The following NAP1L1 variants were observed in gnomAD, a reference collection of about 807,000 sequenced individuals.
NAP1L1 encodes the protein nucleosome assembly protein 1-like 1.
NAP1L1 carries 9 observed loss-of-function variants against 58.9 expected under a neutral mutation model. The observed-to-expected ratio is 0.15, with a 90% CI of 0.09 to 0.27. The LOEUF (loss-of-function observed/expected upper bound fraction) is 0.27, where lower values mean the gene tolerates loss of function less well. Ranked by LOEUF, NAP1L1 falls within the 10% of genes least tolerant of loss-of-function variation. NAP1L1 has a pLI of 1.00. For missense variants in NAP1L1, 302 were observed against 458.8 expected (o/e 0.66, Z 3.12); for synonymous variants, 130 against 138.3 (o/e 0.94, Z 0.42).
At chr12:76,054,895 C>A in intron 8 of NAP1L1, 124 bp downstream of exon 8, 2 of 526,498 alleles carry the variant, frequency 3.8e-6, no homozygotes, top group Non-Finnish European at 6.4e-6. Flanking sequence ...TTAGCAGCAT[C>A]CAAATATTTA....
chr12:76,049,605 T>A (rs190435342), intron 13 of NAP1L1, 151 bp downstream of exon 13: 2 of 1,509,774 alleles, frequency 1.3e-6, no homozygotes, highest in African/African-American at 2.8e-5. Context: ...TATACATACA[T>A]TGTTTGGCTG....
intron 2 of NAP1L1, among the ~76,000 whole-genome samples, chr12:76,072,543 G>C (rs774558756): frequency 6.6e-6 from 1 of 151,984 alleles, no homozygotes; most frequent in Non-Finnish European, 1.5e-5. Context: ...GAATATCCCT[G>C]AACTAAAAGC....
At position 76,050,515 on chromosome 12, in the gene NAP1L1, A is replaced by T; in HGVS notation, c.1059+16T>A. On this transcript the variant is annotated intron_variant, in intron 12 of 14. Coordinates refer to ENST00000618691, the MANE Select transcript of NAP1L1 (RefSeq NM_004537.7). Reference sequence around the variant, plus strand: ...CCTCAACCAATTATTTCTTTGCAGGATTCAAATTCGCTTACATCATCATCA... The same window carrying T: ...CCTCAACCAATTATTTCTTTGCAGGTTTCAAATTCGCTTACATCATCATCA... The T allele has an allele frequency of 6.3e-7, 1 of 1,596,478 alleles. No individual in the cohort carries two copies. The highest frequency in any genetic ancestry group is 8.5e-7 in the Non-Finnish European group (1 of 1,174,454).
Position 76,046,818 on chromosome 12 carries a change from T to C in NAP1L1, c.*1611A>G, listed in dbSNP as rs1418738952. ...ATTAACAGTAATTAGCCTGAGGTAT[T>C]GTAAATGTGGCTCTACAGTCTGAAA... On this transcript the variant is annotated 3_prime_UTR_variant, in exon 15 of 15. Transcript: ENST00000618691. 2 of 152,504 alleles carry C rather than the reference T, an allele frequency of 1.3e-5. No homozygotes were observed. Among genetic ancestry groups the C allele is most frequent in the East Asian group, 3.9e-4 (2 of 5,188 alleles). The allele number at this position is 152,504 out of a possible 1,614,324, so 9.4% of individuals were successfully genotyped here.
intron 4 of NAP1L1, among the ~76,000 whole-genome samples, chr12:76,064,810 T>C (rs997962146): frequency 2.0e-5 from 3 of 151,800 alleles, no homozygotes; most frequent in African/African-American, 7.3e-5. Flanking sequence ...AAAAAAATTC[T>C]CCAAAACTCC....
chr12:76,056,749 A>C, intron 6 of NAP1L1: 1 of 423,110 alleles, frequency 2.4e-6, no homozygotes. Flanking sequence ...GCAGTGGCTC[A>C]CGCTTGTAAT....
Position 76,048,404 on chromosome 12 carries a change from T to C in NAP1L1, c.*25A>G. 1 of 1,612,668 alleles carries C rather than the reference T, an allele frequency of 6.2e-7. No homozygotes were observed. Among genetic ancestry groups the C allele is most frequent in the Non-Finnish European group, 8.5e-7 (1 of 1,179,432 alleles). ...GTTTAGGCTATTACAGTGCAGGTTA[T>C]CCTCAAGGCCACATACATCCTGCTT... On this transcript the variant is annotated 3_prime_UTR_variant, in exon 15 of 15. Coordinates refer to ENST00000618691, the MANE Select transcript of NAP1L1 (RefSeq NM_004537.7).
Position 76,056,261 on chromosome 12 carries a change from C to T in NAP1L1, c.430-100G>A. 3 of 1,211,524 alleles carry T rather than the reference C, an allele frequency of 2.5e-6. No homozygotes were observed. The Admixed American group carries it at 7.7e-5, about 31-fold the overall frequency. The allele number at this position is 1,211,524 out of a possible 1,614,324, so 75.0% of individuals were successfully genotyped here. ...CAAAAAGCACAGTCACCAGATATTA[C>T]CTTCAAAGTTCTAGTCTATCTGTGT... On this transcript the variant is annotated intron_variant, in intron 6 of 14. Transcript: ENST00000618691.
chr12:76,064,473 T>A (rs1949570473), intron 4 of NAP1L1, among the ~76,000 whole-genome samples: 1 of 150,956 alleles, frequency 6.6e-6, no homozygotes, highest in African/African-American at 2.4e-5. Flanking sequence ...AAAACACAAA[T>A]TAAAAAATAA....
chr12:76,061,793 C>T (rs1268723798), intron 4 of NAP1L1, among the ~76,000 whole-genome samples: 1 of 152,206 alleles, frequency 6.6e-6, no homozygotes, highest in African/African-American at 2.4e-5. Context: ...AAAAAACAAA[C>T]ACTTGAAGAT....
intron 2 of NAP1L1, among the ~76,000 whole-genome samples, chr12:76,072,048 C>T (rs1592686348): frequency 6.6e-6 from 1 of 151,316 alleles, no homozygotes; most frequent in East Asian, 1.9e-4. Flanking sequence ...AATTAACAAG[C>T]CTCCCCACTC....
chr12:76,070,930 G>A (rs1949925728), intron 2 of NAP1L1, among the ~76,000 whole-genome samples: 1 of 152,094 alleles, frequency 6.6e-6, no homozygotes, highest in Non-Finnish European at 1.5e-5. Flanking sequence ...CAACATTCCG[G>A]AAGCCAAGGC....
Position 76,044,784 on chromosome 12 carries a change from A to G in NAP1L1, c.*3645T>C, listed in dbSNP as rs1948582916. ...TATTTTTGAAAATATACATCAATCA[A>G]AATTTCTTATGAATACTTATCCTTG... On this transcript the variant is annotated 3_prime_UTR_variant, in exon 15 of 15. Coordinates refer to ENST00000618691, the MANE Select transcript of NAP1L1 (RefSeq NM_004537.7). The G allele has an allele frequency of 6.6e-6, 1 of 152,216 alleles. No individual in the cohort carries two copies. Among genetic ancestry groups the G allele is most frequent in the South Asian group, 2.1e-4 (1 of 4,830 alleles). The allele number at this position is 152,216 out of a possible 1,614,324, so 9.4% of individuals were successfully genotyped here. A position where few individuals can be genotyped will look rare whatever the true frequency, so the allele number is the denominator to read the frequency against.
chr12:76,077,216 G>A (rs1363104813), intron 1 of NAP1L1, among the ~76,000 whole-genome samples: 2 of 152,134 alleles, frequency 1.3e-5, no homozygotes, highest in African/African-American at 2.4e-5. Context: ...GAGGATCCAA[G>A]ACAGAACATT....
Position 76,060,372 on chromosome 12 carries a change from AT to A in NAP1L1, c.207-94del. The A allele has an allele frequency of 2.3e-6, 3 of 1,309,246 alleles. No individual in the cohort carries two copies. The African/African-American group carries it at 4.4e-5, about 19-fold the overall frequency. The allele number at this position is 1,309,246 out of a possible 1,614,324, so 81.1% of individuals were successfully genotyped here. A position where few individuals can be genotyped will look rare whatever the true frequency, so the allele number is the denominator to read the frequency against. On this transcript the variant is annotated intron_variant, in intron 4 of 14. Transcript: ENST00000618691. ...GAAACTGAAGCATTGGAGTTAGTGAATGACAGGTTTTTTATCTGAAGCAAAA... is the reference window on the plus strand; with the variant it reads ...GAAACTGAAGCATTGGAGTTAGTGAAGACAGGTTTTTTATCTGAAGCAAAA...
chr12:76,067,281 T>G, intron 4 of NAP1L1, 90 bp downstream of exon 4: 1 of 972,944 alleles, frequency 1.0e-6, no homozygotes, highest in African/African-American at 1.6e-5. Context: ...TTTCCACTAT[T>G]GCATATCTAA....
At chr12:76,049,687 A>AT (rs1321147757) in intron 13 of NAP1L1, 69 bp downstream of exon 13, 18 of 1,579,556 alleles carry the variant, frequency 1.1e-5, no homozygotes, top group Non-Finnish European at 1.6e-5. Flanking sequence ...AAAGGAATAC[A>AT]TAAGTCATTC....
rs561496797 is a variant in NAP1L1 at position 76,063,538 on chromosome 12, C to G, written c.207-3259G>C. On this transcript the variant is annotated intron_variant, in intron 4 of 14. Coordinates refer to ENST00000618691, the MANE Select transcript of NAP1L1 (RefSeq NM_004537.7). The stretch of plus-strand genomic sequence containing the variant: ...TGAGGCCGAGTGTGGTGGCTCATGC[C>G]TGTAATCCCAGCACTCTGGGGAGCC... 2.0e-5 allele frequency among the ~76,000 whole-genome samples: 3 copies of G among 152,340 alleles called. No individual in the cohort carries two copies. The East Asian group carries it at 5.8e-4, about 29-fold the overall frequency.
chr12:76,077,808 A>G (rs1156417109), intron 1 of NAP1L1, among the ~76,000 whole-genome samples: 1 of 151,812 alleles, frequency 6.6e-6, no homozygotes, highest in Admixed American at 6.6e-5. Flanking sequence ...AAATGGTGAA[A>G]CCCAGTCTCT....
Sources: allele counts gnomAD v4.1 joint callset (sites outside exome capture counted in the v4.1 genomes callset), GRCh38; gene constraint gnomAD v4.1.1; transcripts MANE v1.5; gene names NCBI Gene and HGNC (gene_info 2026-07-23, HGNC 2026-07-21).